DNM3: variants seen among roughly 807,000 people sequenced by gnomAD.
DNM3 encodes dynamin-3.
A neutral mutation model predicts 101.6 loss-of-function variants in DNM3; 47 were observed. The observed-to-expected ratio is 0.46, with a 90% CI of 0.37 to 0.59. DNM3 has a LOEUF of 0.59. Ranked by LOEUF, DNM3 falls within the 20% of genes least tolerant of loss-of-function variation. The pLI is 0.00. For missense variants in DNM3, 849 were observed against 1,085.7 expected, an observed-to-expected ratio of 0.78 and a Z score of 3.06; for synonymous variants, 385 against 387.9, an observed-to-expected ratio of 0.99 and a Z score of 0.09.
At chr1:172,209,904 C>T (rs939958304) in intron 14 of DNM3, among the ~76,000 whole-genome samples, 1 of 151,970 alleles carries the variant, frequency 6.6e-6, no homozygotes, top group African/African-American at 2.4e-5. Flanking sequence ...TATAATACAA[C>T]CATCAAAATG....
chr1:172,157,297 CT>C (rs2058377196), intron 14 of DNM3, among the ~76,000 whole-genome samples: 1 of 152,018 alleles, frequency 6.6e-6, no homozygotes, highest in Admixed American at 6.6e-5. Flanking sequence ...TCTAATACTG[CT>C]GCTGATCTGA....
chr1:172,266,505 A>G (rs2148730174), intron 15 of DNM3, among the ~76,000 whole-genome samples: 1 of 152,334 alleles, frequency 6.6e-6, no homozygotes, highest in Admixed American at 6.5e-5. Flanking sequence ...TATGCAACAT[A>G]AACAAGACAC....
chr1:172,008,585 T>A (rs1374315946), intron 4 of DNM3, among the ~76,000 whole-genome samples: 1 of 148,572 alleles, frequency 6.7e-6, no homozygotes, highest in East Asian at 2.0e-4. Context: ...GGTCTGCAAT[T>A]TTTTTTTTTT....
intron 2 of DNM3, among the ~76,000 whole-genome samples, chr1:171,928,994 GT>G (rs1157276636): frequency 6.6e-6 from 1 of 151,942 alleles, no homozygotes; most frequent in Non-Finnish European, 1.5e-5. Flanking sequence ...TTACAGACCT[GT>G]TGCCAGCCCA....
At chr1:172,158,737 A>G (rs1325373353) in intron 14 of DNM3, among the ~76,000 whole-genome samples, 2 of 152,088 alleles carry the variant, frequency 1.3e-5, no homozygotes, top group African/African-American at 4.8e-5. Flanking sequence ...AGAGACAAGT[A>G]AAGAATTTAA....
At chr1:172,188,578 T>A (rs2059600053) in intron 14 of DNM3, among the ~76,000 whole-genome samples, 1 of 152,098 alleles carries the variant, frequency 6.6e-6, no homozygotes. Context: ...CATTCACCCA[T>A]AGAGGGACAT....
At chr1:172,183,394 A>G (rs906904773) in intron 14 of DNM3, among the ~76,000 whole-genome samples, 1 of 152,114 alleles carries the variant, frequency 6.6e-6, no homozygotes, top group Admixed American at 6.6e-5. Context: ...TTTTGATGTC[A>G]TAAGTGAAGA....
chr1:172,158,608 A>C lies in DNM3; in HGVS notation c.1659+27320A>C, dbSNP rs1165107913. Among the ~76,000 whole-genome samples the C allele has an allele frequency of 2.6e-5, 4 of 152,144 alleles. No homozygotes were observed. The East Asian group carries it at 7.8e-4, about 29-fold the overall frequency. On this transcript the variant is annotated intron_variant, in intron 14 of 20. Transcript: ENST00000627582. ...GGCAGAGGACTTTTGGTTTCTACTGATTAGAAAGATGTTTCTAGTCAATAG... is the reference window on the plus strand; with the variant it reads ...GGCAGAGGACTTTTGGTTTCTACTGCTTAGAAAGATGTTTCTAGTCAATAG...
intron 14 of DNM3, among the ~76,000 whole-genome samples, chr1:172,170,182 T>G (rs990860208): frequency 2.0e-5 from 3 of 151,926 alleles, no homozygotes; most frequent in Non-Finnish European, 2.9e-5. Flanking sequence ...TAAATTCATA[T>G]ACATTGAACT....
At chr1:172,050,557 T>C (rs569988923) in intron 10 of DNM3, among the ~76,000 whole-genome samples, 1 of 152,328 alleles carries the variant, frequency 6.6e-6, no homozygotes, top group African/African-American at 2.4e-5. Context: ...AAAGACTTGA[T>C]AACTGTTAGC....
At position 172,113,710 on chromosome 1, in the gene DNM3, GAC is replaced by G. The variant is rs2055680088; in HGVS notation, c.1546-17463_1546-17462del. Among the ~76,000 whole-genome samples the G allele has an allele frequency of 2.0e-5, 3 of 148,188 alleles. No individual in the cohort carries two copies. In the South Asian group the frequency reaches 6.5e-4, roughly 32 times the overall value. ...TTTCCTGGCATCAAAAATTGGTCTT[GAC>G]AAAAGTGCCCAAAGCGTTTACACAA... is the stretch of plus-strand genomic sequence containing the variant. On this transcript the variant is annotated intron_variant, in intron 13 of 20. Coordinates refer to ENST00000627582, the MANE Select transcript of DNM3 (RefSeq NM_015569.5).
chr1:171,983,836 C>T (rs899914260), intron 2 of DNM3, among the ~76,000 whole-genome samples: 6 of 152,144 alleles, frequency 3.9e-5, no homozygotes, highest in Non-Finnish European at 8.8e-5. Flanking sequence ...TGAATGGTGT[C>T]TCCTTCAGCT....
chr1:172,135,785 T>G (rs904018923), intron 14 of DNM3, among the ~76,000 whole-genome samples: 1 of 152,042 alleles, frequency 6.6e-6, no homozygotes, highest in African/African-American at 2.4e-5. Context: ...TTCTTTAACT[T>G]ATGTCTAAAA....
intron 1 of DNM3, among the ~76,000 whole-genome samples, chr1:171,874,885 T>G (rs2035618039): frequency 6.6e-6 from 1 of 151,686 alleles, no homozygotes; most frequent in Non-Finnish European, 1.5e-5. Context: ...GAGTACCCAA[T>G]GTTTAGCTCC....
intron 15 of DNM3, among the ~76,000 whole-genome samples, chr1:172,258,018 GA>G (rs2062484758): frequency 6.6e-6 from 1 of 151,932 alleles, no homozygotes; most frequent in Admixed American, 6.6e-5. Flanking sequence ...TCCTATTTAT[GA>G]GCAAGTACAT....
At chr1:172,323,223 A>AT (rs200498650) in intron 16 of DNM3, 106 bp from the exon 17 acceptor site, 46 of 1,165,720 alleles carry the variant, frequency 3.9e-5, no homozygotes, top group African/African-American at 1.2e-4. Flanking sequence ...ACCTCATTTT[A>AT]TTTTTTTTAA....
chr1:172,087,116 A>G (rs2053584812), intron 12 of DNM3, among the ~76,000 whole-genome samples: 1 of 152,090 alleles, frequency 6.6e-6, no homozygotes, highest in African/African-American at 2.4e-5. Flanking sequence ...CAGTTAATCC[A>G]ATGGACAATT....
chr1:172,287,258 A>G (rs146491461), intron 15 of DNM3, among the ~76,000 whole-genome samples: 5 of 152,352 alleles, frequency 3.3e-5, no homozygotes, highest in African/African-American at 1.2e-4. Flanking sequence ...AAAAATAGTT[A>G]GATATTAAAC....
chr1:172,241,181 T>G (rs1480880807), intron 14 of DNM3, among the ~76,000 whole-genome samples: 1 of 151,798 alleles, frequency 6.6e-6, no homozygotes, highest in Non-Finnish European at 1.5e-5. Context: ...ACACCTTGAA[T>G]TCTCAATTTA....
Sources: allele counts gnomAD v4.1 joint callset (sites outside exome capture counted in the v4.1 genomes callset), GRCh38; gene constraint gnomAD v4.1.1; transcripts MANE v1.5; gene names NCBI Gene and HGNC (gene_info 2026-07-23, HGNC 2026-07-21).